Variants in CCDC60 observed in about 807,000 individuals in gnomAD.
The protein encoded by CCDC60 is coiled-coil domain containing 60.
In CCDC60, 54 loss-of-function variants were observed where a neutral mutation model predicts 63.5. That is an observed-to-expected ratio of 0.85 (90% CI 0.68 to 1.07). The LOEUF (loss-of-function observed/expected upper bound fraction) is 1.07. CCDC60 is among the 50% of genes least tolerant of loss of function. CCDC60 has a pLI of 0.00. For missense variants in CCDC60, 651 were observed against 684.3 expected (o/e 0.95, Z 0.54); for synonymous variants, 206 against 238.8 (o/e 0.86, Z 1.27).
chr12:119,488,479 T>C (rs947451472), intron 4 of CCDC60, among the ~76,000 whole-genome samples: 3 of 152,224 alleles, frequency 2.0e-5, no homozygotes, highest in Non-Finnish European at 4.4e-5. Flanking sequence ...GATAATCTCA[T>C]TTCAAATGGG....
At chr12:119,425,859 T>C (rs2136227759) in intron 1 of CCDC60, among the ~76,000 whole-genome samples, 1 of 152,352 alleles carries the variant, frequency 6.6e-6, no homozygotes, top group South Asian at 2.1e-4. Flanking sequence ...TGGTTTGTGC[T>C]GTTTGGCTTC....
chr12:119,408,298 C>A (rs986906541), intron 1 of CCDC60, among the ~76,000 whole-genome samples: 1 of 152,218 alleles, frequency 6.6e-6, no homozygotes, highest in Non-Finnish European at 1.5e-5. Context: ...ATCTCACAAT[C>A]TCTGTGGGTC....
chr12:119,365,141 G>C (rs977931773), intron 1 of CCDC60, among the ~76,000 whole-genome samples: 1 of 152,180 alleles, frequency 6.6e-6, no homozygotes, highest in Non-Finnish European at 1.5e-5. Context: ...ATGAGATAAC[G>C]TGTCCCAGGT....
intron 2 of CCDC60, among the ~76,000 whole-genome samples, chr12:119,445,491 TAAAA>T (rs57279338): frequency 2.5e-5 from 3 of 117,894 alleles, no homozygotes; most frequent in Non-Finnish European, 1.7e-5. Context: ...TGCCCTGAGC[TAAAA>T]AAAAAAAAAA....
Position 119,378,958 on chromosome 12 carries a change from C to A in CCDC60, c.90+43692C>A, listed in dbSNP as rs1955982065. On this transcript the variant is annotated intron_variant, in intron 1 of 13. Transcript: ENST00000327554. ...TAACAATCAATGCTCAGCCCAGGGC[C>A]AACACATTCTGGTGGGTCTGGGACA... Among the ~76,000 whole-genome samples, 3 of 152,152 alleles carry A rather than the reference C, an allele frequency of 2.0e-5. No individual in the cohort carries two copies. The South Asian group carries it at 6.2e-4, about 32-fold the overall frequency.
At chr12:119,513,551 T>C (rs1417601632) in intron 7 of CCDC60, among the ~76,000 whole-genome samples, 1 of 152,218 alleles carries the variant, frequency 6.6e-6, no homozygotes, top group East Asian at 1.9e-4. Flanking sequence ...CTTTCCTACT[T>C]ATAAGGACAC....
chr12:119,474,868 T>C (rs1397046262), intron 3 of CCDC60, among the ~76,000 whole-genome samples: 1 of 151,984 alleles, frequency 6.6e-6, no homozygotes, highest in Non-Finnish European at 1.5e-5. Flanking sequence ...GAAAAATATA[T>C]ACAATTTTTT....
At chr12:119,405,603 G>A (rs1956473381) in intron 1 of CCDC60, among the ~76,000 whole-genome samples, 1 of 152,180 alleles carries the variant, frequency 6.6e-6, no homozygotes, top group Admixed American at 6.5e-5. Context: ...TGTAAAGCAG[G>A]AGTCCCTCTT....
chr12:119,489,480 C>T (rs938887828), intron 5 of CCDC60, among the ~76,000 whole-genome samples: 14 of 152,088 alleles, frequency 9.2e-5, no homozygotes, highest in African/African-American at 3.4e-4. Context: ...TTGTCTAGGT[C>T]AAGAGAAGCG....
At chr12:119,503,936 G>A (rs930193965) in intron 6 of CCDC60, among the ~76,000 whole-genome samples, 3 of 152,106 alleles carry the variant, frequency 2.0e-5, no homozygotes, top group African/African-American at 7.2e-5. Flanking sequence ...TCCATCAAGA[G>A]CTTTCATTGT....
At chr12:119,440,710 GT>G (rs1246980910) in intron 2 of CCDC60, among the ~76,000 whole-genome samples, 1 of 152,120 alleles carries the variant, frequency 6.6e-6, no homozygotes, top group Non-Finnish European at 1.5e-5. Flanking sequence ...GGAATACAGA[GT>G]GGGGCAGAAG....
At chr12:119,512,603 G>A (rs1264024044) in intron 7 of CCDC60, among the ~76,000 whole-genome samples, 1 of 152,186 alleles carries the variant, frequency 6.6e-6, no homozygotes, top group Non-Finnish European at 1.5e-5. Flanking sequence ...CCCAGAGGAG[G>A]GAGGAAAATG....
chr12:119,488,616 A>T, intron 4 of CCDC60, 143 bp from the exon 5 acceptor site: 1 of 661,850 alleles, frequency 1.5e-6, no homozygotes, highest in East Asian at 2.7e-5. Flanking sequence ...ATGAGATGAT[A>T]CATGCAAAAT....
chr12:119,414,082 G>A lies in CCDC60; in HGVS notation c.91-14601G>A, dbSNP rs201668818. Among the ~76,000 whole-genome samples, 8 of 151,332 alleles carry A rather than the reference G, an allele frequency of 5.3e-5. No homozygotes were observed. The East Asian group carries it at 9.9e-4, about 19-fold the overall frequency. ...CACCCAGGCTGGAGTGCAGTGGTGCGATCTTGGCTAACCACAACCCCTGCC... is the reference window on the plus strand; with the variant it reads ...CACCCAGGCTGGAGTGCAGTGGTGCAATCTTGGCTAACCACAACCCCTGCC... On this transcript the variant is annotated intron_variant, in intron 1 of 13. Coordinates refer to ENST00000327554, the MANE Select transcript of CCDC60 (RefSeq NM_178499.5).
chr12:119,400,337 C>A (rs12367962), intron 1 of CCDC60, among the ~76,000 whole-genome samples: 11,368 of 152,306 alleles, frequency 0.075, 559 homozygotes, highest in Middle Eastern at 0.15. Context: ...GCGTGAGCCA[C>A]TGCGCCCGGC....
At chr12:119,372,995 T>C (rs1404688975) in intron 1 of CCDC60, among the ~76,000 whole-genome samples, 1 of 152,162 alleles carries the variant, frequency 6.6e-6, no homozygotes, top group Non-Finnish European at 1.5e-5. Context: ...AAAATATTAA[T>C]AGTAAAAGTG....
At chr12:119,501,811 A>G (rs939782047) in intron 6 of CCDC60, among the ~76,000 whole-genome samples, 1 of 152,172 alleles carries the variant, frequency 6.6e-6, no homozygotes, top group African/African-American at 2.4e-5. Context: ...ACTGAATTCA[A>G]GTTTGTGGGT....
At chr12:119,507,612 A>T (rs372264074) in intron 7 of CCDC60, among the ~76,000 whole-genome samples, 18,183 of 44,004 alleles carry the variant, frequency 0.41, 4,034 homozygotes, top group African/African-American at 0.61. Context: ...ATATATATAT[A>T]TATTTTTTTT....
At chr12:119,539,865 G>A (rs1209191434) in intron 13 of CCDC60, among the ~76,000 whole-genome samples, 1 of 152,218 alleles carries the variant, frequency 6.6e-6, no homozygotes, top group Non-Finnish European at 1.5e-5. Flanking sequence ...CATGGGAAAA[G>A]CGTAGTATCT....
Sources: allele counts gnomAD v4.1 joint callset (sites outside exome capture counted in the v4.1 genomes callset), GRCh38; gene constraint gnomAD v4.1.1; transcripts MANE v1.5; gene names NCBI Gene and HGNC (gene_info 2026-07-23, HGNC 2026-07-21).